DPP6: variants seen among roughly 807,000 people sequenced by gnomAD.
The protein encoded by DPP6 is dipeptidyl peptidase like 6, also known as A-type potassium channel modulatory protein DPP6.
A neutral mutation model predicts 122.6 loss-of-function variants in DPP6; 69 were observed. The ratio of observed to expected loss-of-function variants is 0.56; its 90% CI spans 0.46 to 0.69. The LOEUF is 0.69. Ranked by LOEUF, DPP6 falls within the 30% of genes least tolerant of loss-of-function variation. DPP6 has a pLI of 0.00. For synonymous variants in DPP6, 418 were observed against 433.1 expected (o/e 0.97, Z 0.43); for missense variants, 928 against 1,116.9 (o/e 0.83, Z 2.41).
At chr7:153,835,500 A>C in the DPP6 span, among the ~76,000 whole-genome samples, 2 of 152,166 alleles carry the variant, frequency 1.3e-5, no homozygotes, top group Non-Finnish European at 2.9e-5. Flanking sequence ...CTATACATAC[A>C]TAAGATTCTG....
chr7:154,400,494 C>A (rs2151184308), intron 1 of DPP6, among the ~76,000 whole-genome samples: 1 of 152,288 alleles, frequency 6.6e-6, no homozygotes, highest in Admixed American at 6.5e-5. Flanking sequence ...CCTTGGATTT[C>A]CCACTGGGGC....
intron 1 of DPP6, among the ~76,000 whole-genome samples, chr7:154,387,496 C>T (rs1162522767): frequency 1.3e-5 from 2 of 152,226 alleles, no homozygotes. Flanking sequence ...AGGAGCCCAG[C>T]AGGTGGGTGG....
At chr7:154,060,366 C>G (rs1216861163) in intron 1 of DPP6, among the ~76,000 whole-genome samples, 1 of 117,266 alleles carries the variant, frequency 8.5e-6, no homozygotes. Flanking sequence ...GACTGAGAGC[C>G]AGCCCCTGGT....
At chr7:154,864,143 G>A (rs538496962) in intron 17 of DPP6, among the ~76,000 whole-genome samples, 14 of 152,170 alleles carry the variant, frequency 9.2e-5, no homozygotes, top group East Asian at 3.8e-4. Context: ...AAGCCTCTGC[G>A]TGCACACACC....
chr7:153,930,910 T>C (rs1801140848), intron 1 of DPP6, among the ~76,000 whole-genome samples: 1 of 152,216 alleles, frequency 6.6e-6, no homozygotes, highest in Admixed American at 6.5e-5. Context: ...AAGCCAACAG[T>C]GCCAACTCTG....
chr7:153,909,074 A>G (rs978879469), intron 1 of DPP6, among the ~76,000 whole-genome samples: 2 of 152,202 alleles, frequency 1.3e-5, no homozygotes, highest in African/African-American at 2.4e-5. Flanking sequence ...TAAAAGGGTT[A>G]TACATGTGTT....
chr7:154,140,207 G>A (rs1318421714), intron 1 of DPP6, among the ~76,000 whole-genome samples: 1 of 152,126 alleles, frequency 6.6e-6, no homozygotes, highest in Non-Finnish European at 1.5e-5. Context: ...TCCAACCAGA[G>A]AGCTCCATAT....
At chr7:154,796,140 G>A in intron 12 of DPP6, 1 of 495,354 alleles carries the variant, frequency 2.0e-6, no homozygotes, top group East Asian at 3.2e-5. Flanking sequence ...AATGTTTGGT[G>A]AGACCTCAGC....
chr7:153,946,970 T>C (rs1801976087), intron 1 of DPP6, among the ~76,000 whole-genome samples: 1 of 152,134 alleles, frequency 6.6e-6, no homozygotes, highest in African/African-American at 2.4e-5. Context: ...CCAAGGTGGC[T>C]AACGCTGCCA....
At chr7:154,888,659 T>C (rs147844705) in intron 23 of DPP6, among the ~76,000 whole-genome samples, 36 of 152,344 alleles carry the variant, frequency 2.4e-4, no homozygotes, top group African/African-American at 7.7e-4. Context: ...TCTTCCTTTT[T>C]CCCTTCTTCT....
intron 5 of DPP6, among the ~76,000 whole-genome samples, chr7:154,627,214 T>G (rs6980411): frequency 0.34 from 42,044 of 121,976 alleles, 7,099 homozygotes; most frequent in Middle Eastern, 0.54. Flanking sequence ...TTTTTTGAGA[T>G]GGAGTCTCGC....
rs1202255667 is a variant in DPP6 at position 154,362,441 on chromosome 7, G to A, written c.244-83773G>A. Reference sequence around the variant, plus strand: ...TTTGTTTTTTGCTTTTTGAGACGGAGTTTCACCCTGTTGCCCAGACTGGAA... The same window carrying A: ...TTTGTTTTTTGCTTTTTGAGACGGAATTTCACCCTGTTGCCCAGACTGGAA... On this transcript the variant is annotated intron_variant, in intron 1 of 25. Transcript: ENST00000377770. Among the ~76,000 whole-genome samples the A allele has an allele frequency of 2.0e-5, 3 of 152,168 alleles. No homozygotes were observed. In the East Asian group the frequency reaches 5.8e-4, roughly 29 times the overall value.
intron 1 of DPP6, among the ~76,000 whole-genome samples, chr7:153,937,007 C>T (rs1023828393): frequency 1.2e-4 from 19 of 152,156 alleles, no homozygotes; most frequent in South Asian, 4.1e-4. Context: ...TCTTGATCAA[C>T]GGACTTACTT....
chr7:154,810,714 C>T (rs185295303), intron 16 of DPP6, among the ~76,000 whole-genome samples: 142 of 151,592 alleles, frequency 9.4e-4, no homozygotes, highest in African/African-American at 3.1e-3. Context: ...ATGACTGACC[C>T]GGACCCCAGG....
chr7:154,407,619 C>T (rs1468094223), intron 1 of DPP6, among the ~76,000 whole-genome samples: 3 of 152,162 alleles, frequency 2.0e-5, no homozygotes, highest in East Asian at 3.9e-4. Flanking sequence ...CTTTTGAATC[C>T]CAATTTAAAA....
intron 1 of DPP6, among the ~76,000 whole-genome samples, chr7:154,011,818 C>T (rs898594502): frequency 1.3e-5 from 2 of 152,158 alleles, no homozygotes; most frequent in Non-Finnish European, 2.9e-5. Flanking sequence ...GAGTGATTAT[C>T]GAATCCATTC....
chr7:153,887,045 C>G (rs937433788), upstream of DPP6: 2 of 152,470 alleles, frequency 1.3e-5, no homozygotes, highest in Non-Finnish European at 2.9e-5. Flanking sequence ...GTTACCCAAA[C>G]AGTTTGCGCT....
At position 154,034,677 on chromosome 7, in the gene DPP6, G is replaced by C. The variant is rs556169500; in HGVS notation, c.51+146943G>C. Among the ~76,000 whole-genome samples the C allele has an allele frequency of 7.6e-3, 1,159 of 152,152 alleles. 11 individuals carry two copies. The highest frequency in any genetic ancestry group is 0.027 in the African/African-American group (1,106 of 41,438). On this transcript the variant is annotated intron_variant, in intron 1 of 25. Coordinates refer to the DPP6 transcript ENST00000404039. ...TAATTTTAATTATTATTATTTTATG[G>C]TTATTCTTTTGTGATTATCAAGTTG...
At chr7:154,064,403 G>A (rs549742142) in intron 1 of DPP6, among the ~76,000 whole-genome samples, 1 of 152,206 alleles carries the variant, frequency 6.6e-6, no homozygotes, top group East Asian at 1.9e-4. Context: ...TTTGCTCATG[G>A]TTCAATTCAT....
Sources: gnomAD v4.1 joint callset for allele counts (sites outside exome capture counted in the v4.1 genomes callset) on GRCh38, gnomAD v4.1.1 for gene constraint, MANE v1.5 for transcripts, NCBI Gene and HGNC (gene_info 2026-07-23, HGNC 2026-07-21) for gene names.